Variants in CENPE observed in about 807,000 individuals in gnomAD.
CENPE encodes centromere-associated protein E.
Under a neutral mutation model 336.1 loss-of-function variants are expected in CENPE, and 145 were observed. That is an observed-to-expected ratio of 0.43 (90% CI 0.38 to 0.50). The LOEUF (loss-of-function observed/expected upper bound fraction) is 0.50. Among genes scored for constraint, CENPE ranks in the 20% least tolerant of loss-of-function variants. CENPE has a pLI of 0.00. For missense variants in CENPE, 2,719 were observed against 3,023.3 expected (o/e 0.90, Z 2.36); for synonymous variants, 1,013 against 984.8 (o/e 1.03, Z -0.54).
chr4:103,146,649 G>A (rs1448841275), intron 29 of CENPE, among the ~76,000 whole-genome samples: 7 of 151,592 alleles, frequency 4.6e-5, no homozygotes, highest in East Asian at 1.9e-4. Context: ...AAATAAGACC[G>A]GCAAGATCTG....
chr4:103,153,022 C>A (rs750723207), intron 25 of CENPE, 25 bp downstream of exon 25: 1 of 1,518,270 alleles, frequency 6.6e-7, no homozygotes, highest in South Asian at 1.2e-5. Context: ...AAAGGTAATG[C>A]CAAGTATACA....
chr4:103,184,221 C>A (rs1252003736), intron 9 of CENPE, among the ~76,000 whole-genome samples: 3 of 152,178 alleles, frequency 2.0e-5, no homozygotes, highest in Non-Finnish European at 2.9e-5. Flanking sequence ...TGGATGTAGG[C>A]TAGGCTCAGT....
chr4:103,151,228 T>C lies in CENPE; in HGVS notation c.3387A>G (p.Leu1129=). 1 of 1,589,990 alleles carries C rather than the reference T, an allele frequency of 6.3e-7. No homozygotes were observed. The highest frequency in any genetic ancestry group is 8.5e-7 in the Non-Finnish European group (1 of 1,174,522). ...CDRLAEVEEK[L]KEKSQQLQEK... is the part of the protein sequence containing the mutation. ...AACTTTAAAAATTCACCTTTTCCTTTAGTTTTTCTTCAACTTCTGCCAGTC... is the reference window on the plus strand; with the variant it reads ...AACTTTAAAAATTCACCTTTTCCTTCAGTTTTTCTTCAACTTCTGCCAGTC... Residue 1129 remains leucine, a synonymous_variant, in exon 26 of 49, where the codon CTA becomes CTG. Coordinates refer to ENST00000265148, the MANE Select transcript of CENPE (RefSeq NM_001813.3).
chr4:103,176,155 A>G, intron 14 of CENPE, 107 bp from the exon 15 acceptor site: 1 of 606,668 alleles, frequency 1.6e-6, no homozygotes. Flanking sequence ...TAAGAACTTC[A>G]AATTAACTAC....
Position 103,148,965 on chromosome 4 carries a change from T to A in CENPE, c.3722A>T (p.His1241Leu). The A allele has an allele frequency of 1.2e-6, 2 of 1,613,808 alleles. No homozygotes were observed. Among genetic ancestry groups the A allele is most frequent in the Non-Finnish European group, 1.7e-6 (2 of 1,179,892 alleles). The change falls in exon 28 of 49, where the codon CAT becomes CTT. Residue 1241 changes from histidine to leucine, a missense_variant. Physicochemically the swap from His to Leu is moderately conservative, Grantham distance 99. Around this residue, in one of 5 missense-constraint regions of CENPE, gnomAD observed 2,437 missense variants for 2,513.3 expected, o/e 0.97. Transcript: ENST00000265148. ...TTCTTGGTGTTCTTTTAGGTGAATA[T>A]GAGCAATTTTTAGTTCTTCTTTGGT... ...LQTKEELKIA[H>L]IHLKEHQETI...
chr4:103,142,622 C>A (rs533020371), intron 34 of CENPE, among the ~76,000 whole-genome samples: 1 of 152,120 alleles, frequency 6.6e-6, no homozygotes, highest in Admixed American at 6.5e-5. Flanking sequence ...TTAATTTCTG[C>A]GTTTCTACAC....
intron 43 of CENPE, among the ~76,000 whole-genome samples, 169 bp downstream of exon 43, chr4:103,122,702 T>C (rs1750745314): frequency 1.3e-5 from 2 of 152,222 alleles, no homozygotes; most frequent in South Asian, 2.1e-4. Flanking sequence ...TCTAGCTTTA[T>C]AATTAGTTTA....
Position 103,106,219 on chromosome 4 carries a change from A to G in CENPE, c.*3T>C. On this transcript the variant is annotated 3_prime_UTR_variant, in exon 49 of 49. Transcript: ENST00000265148. ...GATCTCCAGAGAAGTGACAAAGAGG[A>G]GTCTACTGAGTTTTGCACTCAGGCA... The G allele has an allele frequency of 6.5e-7, 1 of 1,548,298 alleles. No individual in the cohort carries two copies. Among genetic ancestry groups the G allele is most frequent in the Non-Finnish European group, 8.8e-7 (1 of 1,141,582 alleles).
In CENPE at chr4:103,139,930, G is replaced by A; in HGVS notation, c.6063C>T (p.Phe2021=). 1.2e-6 allele frequency: 2 copies of A among 1,613,290 alleles called. No individual in the cohort carries two copies. The highest frequency in any genetic ancestry group is 1.7e-6 in the Non-Finnish European group (2 of 1,179,626). The part of the protein sequence containing the change: ...LSMQSVRMDN[F]QLTKKLHESL... ...TTTCATGAAGTTTCTTAGTCAACTG[G>A]AAGTTATCCATTCTCACACTTTGCA... The change falls in exon 38 of 49, where the codon TTC becomes TTT. Residue 2021 remains phenylalanine (F), a synonymous_variant. Transcript: ENST00000265148.
chr4:103,113,530 A>ATTATATT (rs1560589582), intron 46 of CENPE, among the ~76,000 whole-genome samples: 1 of 140,436 alleles, frequency 7.1e-6, no homozygotes, highest in African/African-American at 2.6e-5. Context: ...TATTATATAT[A>ATTATATT]ATATATAACT....
intron 32 of CENPE, among the ~76,000 whole-genome samples, chr4:103,144,839 A>G (rs993993063): frequency 1.3e-5 from 2 of 152,160 alleles, no homozygotes; most frequent in African/African-American, 2.4e-5. Context: ...ATCCCAATGA[A>G]TATTTGCTAC....
At chr4:103,157,847 A>T (rs1297953315) in intron 24 of CENPE, among the ~76,000 whole-genome samples, 1 of 151,954 alleles carries the variant, frequency 6.6e-6, no homozygotes, top group Non-Finnish European at 1.5e-5. Context: ...CTAGCAGTAA[A>T]TACTCTGGAT....
chr4:103,187,728 A>T (rs1756917743), intron 8 of CENPE, among the ~76,000 whole-genome samples: 1 of 152,242 alleles, frequency 6.6e-6, no homozygotes, highest in Admixed American at 6.5e-5. Flanking sequence ...GGCTAGGAAG[A>T]AACTGCATCA....
chr4:103,126,284 T>C (rs1460928719), intron 42 of CENPE, among the ~76,000 whole-genome samples: 2 of 152,152 alleles, frequency 1.3e-5, no homozygotes, highest in East Asian at 1.9e-4. Context: ...ACAGCATTTT[T>C]TTTTTCTTAA....
chr4:103,168,624 C>G (rs1038617366), intron 16 of CENPE, among the ~76,000 whole-genome samples: 2 of 152,142 alleles, frequency 1.3e-5, no homozygotes, highest in Non-Finnish European at 2.9e-5. Context: ...TTTACCCAGC[C>G]GGGGTCCTAC....
chr4:103,127,122 C>A (rs1256690385), intron 42 of CENPE, among the ~76,000 whole-genome samples: 13 of 136,970 alleles, frequency 9.5e-5, no homozygotes, highest in African/African-American at 1.1e-4. Context: ...ACCAAAAAAA[C>A]CCCCGAAAAA....
chr4:103,147,502 T>C lies in CENPE; in HGVS notation c.3988A>G (p.Arg1330Gly), dbSNP rs1753156157. 6.2e-7 allele frequency: 1 copy of C among 1,614,114 alleles called. No individual in the cohort carries two copies. Among genetic ancestry groups the C allele is most frequent in the Non-Finnish European group, 8.5e-7 (1 of 1,180,022 alleles). ...TGAAATTTTTCATTCAACCTGAGCC[T>C]TTCCATTTCTATTCTTGCCAGTGTT... is the stretch of plus-strand genomic sequence containing the variant. ...STTLARIEME[R>G]LRLNEKFQES... Residue 1330 changes from arginine (R) to glycine (G), a missense_variant, in exon 29 of 49, where the codon AGG becomes GGG. Coordinates refer to ENST00000265148, the MANE Select transcript of CENPE (RefSeq NM_001813.3).
intron 36 of CENPE, 112 bp downstream of exon 36, chr4:103,140,702 A>G (rs1752477835): frequency 1.2e-6 from 1 of 830,106 alleles, no homozygotes; most frequent in African/African-American, 1.7e-5. Flanking sequence ...TTATTGGTGG[A>G]CACTTAGATT....
chr4:103,198,243 G>A, intron 1 of CENPE, 21 bp downstream of exon 1: 5 of 1,549,048 alleles, frequency 3.2e-6, no homozygotes, highest in Non-Finnish European at 4.4e-6. Context: ...CGGGCACCGG[G>A]CCGTGGTGTG....
Sources: gnomAD v4.1 joint callset for allele counts (sites outside exome capture counted in the v4.1 genomes callset) on GRCh38, gnomAD v4.1.1 for gene constraint, gnomAD v4.1.1 regional missense constraint, MANE v1.5 for transcripts, NCBI Gene and HGNC (gene_info 2026-07-23, HGNC 2026-07-21) for gene names.